Variants in FARS2 observed in about 807,000 individuals in gnomAD.
FARS2 encodes the protein phenylalanine--tRNA ligase, mitochondrial.
In FARS2, 40 loss-of-function variants were observed where a neutral mutation model predicts 46.4. The ratio of observed to expected loss-of-function variants is 0.86; its 90% CI spans 0.67 to 1.12. The LOEUF is 1.12. Ranked by LOEUF, FARS2 falls within the 50% of genes most tolerant of loss-of-function variation. The probability of loss-of-function intolerance (pLI) is 0.00; values close to 1 mark genes in which losing one functional copy is unlikely to be tolerated. For missense variants in FARS2, 513 were observed against 567.9 expected (o/e 0.90, Z 0.98); for synonymous variants, 234 against 214.9 (o/e 1.09, Z -0.78).
intron 1 of FARS2, among the ~76,000 whole-genome samples, chr6:5,346,609 A>G (rs924637654): frequency 2.6e-5 from 4 of 152,176 alleles, no homozygotes; most frequent in Non-Finnish European, 4.4e-5. Flanking sequence ...TTATTATGAA[A>G]AATTTCGAGC....
intron 6 of FARS2, among the ~76,000 whole-genome samples, chr6:5,687,351 A>C (rs1281959736): frequency 1.3e-5 from 2 of 152,204 alleles, no homozygotes; most frequent in Non-Finnish European, 2.9e-5. Context: ...TTAAGTCTTT[A>C]ATCCATCTCG....
At chr6:5,269,944 C>A (rs1765830617) in intron 1 of FARS2, among the ~76,000 whole-genome samples, 1 of 152,130 alleles carries the variant, frequency 6.6e-6, no homozygotes, top group Admixed American at 6.5e-5. Context: ...AGCACTTCAG[C>A]CTGGCAAACT....
Position 5,630,229 on chromosome 6 carries a change from C to G in FARS2, c.1217+16909C>G, listed in dbSNP as rs1414672816. Among the ~76,000 whole-genome samples, 1 of 151,924 alleles carries G rather than the reference C, an allele frequency of 6.6e-6. No homozygotes were observed. The highest frequency in any genetic ancestry group is 1.5e-5 in the Non-Finnish European group (1 of 67,980). On this transcript the variant is annotated intron_variant, in intron 6 of 6. Transcript: ENST00000274680. This position sits in a 1 kb window ranked among gnomAD's most constrained non-coding sequence, Gnocchi z 4.2. ...GAGTGAGGAACTAAGAAGGGAGACCCAAGAGATGGAAGTCAAAGAGCAGAG... is the reference window on the plus strand; with the variant it reads ...GAGTGAGGAACTAAGAAGGGAGACCGAAGAGATGGAAGTCAAAGAGCAGAG...
intron 4 of FARS2, among the ~76,000 whole-genome samples, chr6:5,447,485 C>A (rs931078479): frequency 2.0e-5 from 3 of 152,150 alleles, no homozygotes; most frequent in African/African-American, 7.2e-5. Flanking sequence ...CTTAAGCTGC[C>A]TAAATCATAA....
chr6:5,359,236 C>T lies in FARS2; in HGVS notation c.-21-9314C>T, dbSNP rs371575222. On this transcript the variant is annotated intron_variant, in intron 1 of 6. Transcript: ENST00000274680. ...TGTATTTTTAGTACCGGCGGGGTTTCGCCATGTTGGCCAGGCCATTCCCAA... is the reference window on the plus strand; with the variant it reads ...TGTATTTTTAGTACCGGCGGGGTTTTGCCATGTTGGCCAGGCCATTCCCAA... Among the ~76,000 whole-genome samples, 310 of 151,790 alleles carry T rather than the reference C, an allele frequency of 2.0e-3. 2 individuals carry two copies. The highest frequency in any genetic ancestry group is 6.9e-3 in the Middle Eastern group (2 of 290).
intron 1 of FARS2, among the ~76,000 whole-genome samples, chr6:5,340,609 A>C (rs1771487554): frequency 6.6e-6 from 1 of 152,210 alleles, no homozygotes; most frequent in Admixed American, 6.5e-5. Flanking sequence ...TAGGAATGTT[A>C]GAGCATCAAC....
At chr6:5,454,505 C>T (rs888080761) in intron 4 of FARS2, among the ~76,000 whole-genome samples, 4 of 151,954 alleles carry the variant, frequency 2.6e-5, no homozygotes, top group South Asian at 2.1e-4. Context: ...CTACCATGCC[C>T]GGCTAATTTT....
At chr6:5,601,260 G>A (rs558494290) in intron 5 of FARS2, among the ~76,000 whole-genome samples, 207 of 152,212 alleles carry the variant, frequency 1.4e-3, no homozygotes, top group African/African-American at 4.9e-3. Flanking sequence ...GGTGGTTCAC[G>A]CCTGTAATCC....
chr6:5,489,208 C>G (rs1404399958), intron 4 of FARS2, among the ~76,000 whole-genome samples: 1 of 152,098 alleles, frequency 6.6e-6, no homozygotes, highest in Non-Finnish European at 1.5e-5. Context: ...AATCTGAGCA[C>G]TTTGGGAGGC....
intron 4 of FARS2, among the ~76,000 whole-genome samples, chr6:5,472,098 A>C (rs571961648): frequency 6.6e-6 from 1 of 152,222 alleles, no homozygotes; most frequent in African/African-American, 2.4e-5. Flanking sequence ...GCCCCCTCCG[A>C]CCTCATTGCT....
At chr6:5,470,305 C>T (rs1439312923) in intron 4 of FARS2, among the ~76,000 whole-genome samples, 1 of 152,098 alleles carries the variant, frequency 6.6e-6, no homozygotes, top group African/African-American at 2.4e-5. Flanking sequence ...TATAAGTAGA[C>T]GTAGAGATGA....
chr6:5,364,117 G>A lies in FARS2; in HGVS notation c.-21-4433G>A, dbSNP rs372535909. ...AGTGAATGACTTTATTAGTTCATCC[G>A]TTACCCGATCTCTAGAAATCTCTGG... On this transcript the variant is annotated intron_variant, in intron 1 of 6. Coordinates refer to ENST00000274680, the MANE Select transcript of FARS2 (RefSeq NM_006567.5). 3.8e-4 allele frequency among the ~76,000 whole-genome samples: 58 copies of A among 152,074 alleles called. No homozygotes were observed. The South Asian group carries it at 9.4e-3, about 25-fold the overall frequency.
At chr6:5,529,103 A>G (rs1769655778) in intron 4 of FARS2, among the ~76,000 whole-genome samples, 1 of 152,246 alleles carries the variant, frequency 6.6e-6, no homozygotes, top group Non-Finnish European at 1.5e-5. Flanking sequence ...TGTATAATCT[A>G]GGACAAATTA....
At chr6:5,590,324 A>G (rs1773842996) in intron 5 of FARS2, among the ~76,000 whole-genome samples, 2 of 152,122 alleles carry the variant, frequency 1.3e-5, no homozygotes, top group African/African-American at 4.8e-5. Context: ...TTCAGAGGAG[A>G]CTGATGCCCA....
intron 1 of FARS2, among the ~76,000 whole-genome samples, chr6:5,368,058 G>A (rs1205930614): frequency 6.6e-6 from 1 of 152,210 alleles, no homozygotes; most frequent in African/African-American, 2.4e-5. Flanking sequence ...ATGGTCGGCA[G>A]AAATGTGAAG....
intron 6 of FARS2, among the ~76,000 whole-genome samples, chr6:5,708,465 C>G (rs1758903868): frequency 6.6e-6 from 1 of 152,086 alleles, no homozygotes; most frequent in Non-Finnish European, 1.5e-5. Context: ...CAGCTATGGC[C>G]CCAGGCAGGT....
intron 4 of FARS2, among the ~76,000 whole-genome samples, chr6:5,540,130 C>T (rs1373466937): frequency 2.0e-5 from 3 of 152,212 alleles, no homozygotes; most frequent in African/African-American, 7.2e-5. Flanking sequence ...TTCAGGACTG[C>T]TGTGCTTGGC....
intron 4 of FARS2, chr6:5,466,656 G>A: frequency 1.0e-6 from 1 of 985,396 alleles, no homozygotes; most frequent in Non-Finnish European, 1.2e-6. Context: ...CAGGCATGCT[G>A]GCAAAGTGAC....
At chr6:5,695,913 T>C (rs776351050) in intron 6 of FARS2, among the ~76,000 whole-genome samples, 1 of 152,222 alleles carries the variant, frequency 6.6e-6, no homozygotes, top group African/African-American at 2.4e-5. Flanking sequence ...CAAAAAACTC[T>C]TCAACAGTCG....
Sources: gnomAD v4.1 joint callset for allele counts (sites outside exome capture counted in the v4.1 genomes callset) on GRCh38, gnomAD v4.1.1 for gene constraint, Gnocchi (gnomAD v3.1) non-coding constraint, MANE v1.5 for transcripts, NCBI Gene and HGNC (gene_info 2026-07-23, HGNC 2026-07-21) for gene names.